Variants in CDH18 observed in about 807,000 individuals in gnomAD.
The protein encoded by CDH18 is cadherin-18.
In CDH18, 31 loss-of-function variants were observed where a neutral mutation model predicts 67.9. The observed-to-expected ratio is 0.46, with a 90% confidence interval of 0.34 to 0.62. CDH18 has a LOEUF of 0.62. Among genes scored for constraint, CDH18 ranks in the 20% least tolerant of loss-of-function variants. The probability of loss-of-function intolerance (pLI) is 0.01; values close to 1 mark genes in which losing one functional copy is unlikely to be tolerated. For synonymous variants in CDH18, 362 were observed against 347.2 expected (o/e 1.04, Z -0.48); for missense variants, 890 against 975.5 (o/e 0.91, Z 1.17).
chr5:19,912,772 G>C (rs1561547375), intron 2 of CDH18, among the ~76,000 whole-genome samples: 1 of 152,136 alleles, frequency 6.6e-6, no homozygotes, highest in African/African-American at 2.4e-5. Context: ...GAGGAAAGAA[G>C]GGAAGCTAAA....
At chr5:20,110,497 A>C (rs1747369159) in intron 2 of CDH18, among the ~76,000 whole-genome samples, 1 of 152,194 alleles carries the variant, frequency 6.6e-6, no homozygotes, top group Admixed American at 6.5e-5. Context: ...AGCCTGGCCA[A>C]CATGGTGAAA....
chr5:19,988,789 T>A (rs928068270), upstream of CDH18, among the ~76,000 whole-genome samples: 10 of 152,162 alleles, frequency 6.6e-5, no homozygotes, highest in African/African-American at 2.4e-4. Context: ...CAGTGATCCA[T>A]AGTCCAGTGG....
intron 5 of CDH18, among the ~76,000 whole-genome samples, chr5:19,719,868 A>G (rs952865611): frequency 1.3e-5 from 2 of 150,418 alleles, no homozygotes; most frequent in Admixed American, 1.3e-4. Context: ...AAAGAAAGAA[A>G]AGAGAGAGAG....
At chr5:19,745,412 G>C (rs1034983109) in intron 4 of CDH18, among the ~76,000 whole-genome samples, 34 of 152,104 alleles carry the variant, frequency 2.2e-4, no homozygotes, top group African/African-American at 8.0e-4. Context: ...CTGTGGTTAT[G>C]ACAGTTTCCT....
At chr5:20,239,405 A>G (rs889051708) in intron 2 of CDH18, among the ~76,000 whole-genome samples, 2 of 152,158 alleles carry the variant, frequency 1.3e-5, no homozygotes, top group African/African-American at 2.4e-5. Flanking sequence ...GCAGCAAGCC[A>G]AGATCATGCT....
chr5:20,138,513 G>A (rs1404829723), intron 2 of CDH18, among the ~76,000 whole-genome samples: 2 of 152,136 alleles, frequency 1.3e-5, no homozygotes, highest in Non-Finnish European at 2.9e-5. Context: ...TAGGAAAAGA[G>A]GAAGTCAAAT....
At chr5:19,503,869 T>C (rs1743662317) in intron 10 of CDH18, among the ~76,000 whole-genome samples, 2 of 152,134 alleles carry the variant, frequency 1.3e-5, no homozygotes, top group Admixed American at 1.3e-4. Flanking sequence ...CAAAAAGATA[T>C]TTTCCTCTTT....
chr5:19,545,875 C>A (rs112570143), intron 8 of CDH18, among the ~76,000 whole-genome samples: 42 of 152,178 alleles, frequency 2.8e-4, no homozygotes, highest in Admixed American at 7.2e-4. Flanking sequence ...CAGCATAAAG[C>A]TAAGGTAATG....
At chr5:19,514,206 T>C (rs1027610953) in intron 10 of CDH18, among the ~76,000 whole-genome samples, 1 of 152,228 alleles carries the variant, frequency 6.6e-6, no homozygotes, top group Non-Finnish European at 1.5e-5. Flanking sequence ...TAGTATTCCA[T>C]GGTGTATATG....
In CDH18 at chr5:19,520,749, C is replaced by CTG. The variant is rs1561256564; in HGVS notation, c.1418_1419dup (p.Val474GlnfsTer61). ...TTGACATCCAGAACTCTAATACCCACTGTGACATGGCTCAGCAAATCAGGA... is the reference window on the plus strand; with the variant it reads ...TTGACATCCAGAACTCTAATACCCACTGTGTGACATGGCTCAGCAAATCAGGA... On this transcript the variant is annotated frameshift_variant, in exon 10 of 13. Coordinates refer to ENST00000382275, the MANE Select transcript of CDH18 (RefSeq NM_004934.5). LOFTEE classifies it high-confidence loss of function. 6.2e-7 allele frequency: 1 copy of CTG among 1,613,346 alleles called. No individual in the cohort carries two copies. The highest frequency in any genetic ancestry group is 8.5e-7 in the Non-Finnish European group (1 of 1,179,480).
chr5:19,802,492 G>C (rs1330278198), intron 3 of CDH18, among the ~76,000 whole-genome samples: 2 of 152,084 alleles, frequency 1.3e-5, no homozygotes. Flanking sequence ...AATATATCTT[G>C]ATGGCATAAC....
intron 1 of CDH18, among the ~76,000 whole-genome samples, chr5:20,462,714 A>G (rs1330290366): frequency 6.6e-6 from 1 of 152,182 alleles, no homozygotes; most frequent in Non-Finnish European, 1.5e-5. Flanking sequence ...TGCATTAATA[A>G]TCACTAGAAT....
intron 8 of CDH18, among the ~76,000 whole-genome samples, chr5:19,570,095 A>G (rs915665270): frequency 1.3e-5 from 2 of 152,058 alleles, no homozygotes; most frequent in Non-Finnish European, 2.9e-5. Context: ...ATTTGTACAG[A>G]TCTTTTATGG....
chr5:19,629,915 G>C (rs1178922742), intron 5 of CDH18, among the ~76,000 whole-genome samples: 4 of 151,962 alleles, frequency 2.6e-5, no homozygotes, highest in South Asian at 4.2e-4. Context: ...AGAGTAGGAG[G>C]ACATAGATTT....
chr5:20,163,958 T>C (rs1736089200), intron 2 of CDH18, among the ~76,000 whole-genome samples: 1 of 152,164 alleles, frequency 6.6e-6, no homozygotes, highest in South Asian at 2.1e-4. Context: ...CACTGAAGAT[T>C]GTAAAAAATA....
intron 2 of CDH18, among the ~76,000 whole-genome samples, chr5:19,848,505 T>C (rs115664825): frequency 0.015 from 2,230 of 152,230 alleles, 31 homozygotes; most frequent in Middle Eastern, 0.024. Context: ...GTTGAAATAA[T>C]GTCTCCATGG....
chr5:20,255,875 A>C (rs1744196008), intron 1 of CDH18, among the ~76,000 whole-genome samples: 1 of 149,196 alleles, frequency 6.7e-6, no homozygotes, highest in African/African-American at 2.4e-5. Context: ...AATATAAACT[A>C]TTTTAGTGAT....
intron 1 of CDH18, among the ~76,000 whole-genome samples, chr5:20,471,230 T>C (rs1319046605): frequency 6.6e-6 from 1 of 152,132 alleles, no homozygotes; most frequent in African/African-American, 2.4e-5. Context: ...GTAAACTCAG[T>C]TTCATAAATA....
intron 2 of CDH18, among the ~76,000 whole-genome samples, chr5:20,035,817 AAAACTC>A (rs1739813364): frequency 6.6e-6 from 1 of 152,090 alleles, no homozygotes; most frequent in Non-Finnish European, 1.5e-5. Flanking sequence ...AGCTGGGCAC[AAAACTC>A]AAGTCTGTGT....
Sources: allele counts gnomAD v4.1 joint callset (sites outside exome capture counted in the v4.1 genomes callset), GRCh38; gene constraint gnomAD v4.1.1; transcripts MANE v1.5; gene names NCBI Gene and HGNC (gene_info 2026-07-23, HGNC 2026-07-21).